Variants in FAM227A observed in about 807,000 individuals in gnomAD.
FAM227A encodes the protein protein FAM227A.
In FAM227A, 80 loss-of-function variants were observed where a neutral mutation model predicts 74.7. The observed-to-expected ratio is 1.07, with a 90% CI of 0.89 to 1.29. The LOEUF (loss-of-function observed/expected upper bound fraction) is 1.29, where lower values mean the gene tolerates loss of function less well. Among genes scored for constraint, FAM227A ranks in the 50% most tolerant of loss-of-function variants. The pLI, the probability that FAM227A is intolerant of heterozygous loss-of-function variation, is 0.00. For synonymous variants in FAM227A, 237 were observed against 241.8 expected (o/e 0.98, Z 0.19); for missense variants, 654 against 683.4 (o/e 0.96, Z 0.48).
chr22:38,603,828 C>T (rs1037162217), intron 13 of FAM227A, among the ~76,000 whole-genome samples: 1 of 151,974 alleles, frequency 6.6e-6, no homozygotes, highest in Non-Finnish European at 1.5e-5. Flanking sequence ...AGAGTGACCC[C>T]TGGTGATACT....
intron 4 of FAM227A, among the ~76,000 whole-genome samples, chr22:38,639,184 C>T (rs1009509999): frequency 4.0e-5 from 6 of 151,834 alleles, no homozygotes; most frequent in African/African-American, 7.3e-5. Context: ...CTGAGGCAGG[C>T]GGATCACTTG....
chr22:38,594,532 A>T (rs1178428096), intron 15 of FAM227A, among the ~76,000 whole-genome samples: 1 of 152,176 alleles, frequency 6.6e-6, no homozygotes, highest in African/African-American at 2.4e-5. Context: ...CAGAGTATGG[A>T]GGTATGATAG....
intron 16 of FAM227A, 52 bp downstream of exon 16, chr22:38,591,383 C>G: frequency 6.5e-7 from 1 of 1,534,880 alleles, no homozygotes; most frequent in East Asian, 2.5e-5. Context: ...CTACCTTTCC[C>G]ATGGTTTTTG....
chr22:38,586,747 C>T (rs2090817880), intron 16 of FAM227A, among the ~76,000 whole-genome samples: 1 of 152,138 alleles, frequency 6.6e-6, no homozygotes, highest in African/African-American at 2.4e-5. Context: ...CAGCTCACTG[C>T]AACCTCTGAC....
intron 8 of FAM227A, among the ~76,000 whole-genome samples, chr22:38,627,170 GTATA>G (rs944803339): frequency 1.3e-5 from 2 of 151,326 alleles, no homozygotes; most frequent in Non-Finnish European, 2.9e-5. Context: ...AATCCTTTTA[GTATA>G]TATATACATA....
rs1603009165 is a variant in FAM227A at position 38,628,061 on chromosome 22, G to A, written c.726+177C>T. Among the ~76,000 whole-genome samples the A allele has an allele frequency of 2.6e-5, 4 of 151,846 alleles. No homozygotes were observed. In the South Asian group the frequency reaches 8.3e-4, roughly 32 times the overall value. On this transcript the variant is annotated intron_variant, in intron 8 of 16. Transcript: ENST00000535113. Reference sequence around the variant, plus strand: ...ACTTAAATATATCATTGCATCTCCCGATCAGTATAAATAGCTCTACTGTAT... The same window carrying A: ...ACTTAAATATATCATTGCATCTCCCAATCAGTATAAATAGCTCTACTGTAT...
intron 11 of FAM227A, among the ~76,000 whole-genome samples, chr22:38,608,784 C>T (rs980848114): frequency 1.4e-5 from 2 of 145,924 alleles, no homozygotes; most frequent in Non-Finnish European, 3.0e-5. Context: ...TAAAATAAGA[C>T]CCTTGTTCCT....
chr22:38,599,059 C>T (rs1602881146), intron 14 of FAM227A, among the ~76,000 whole-genome samples: 1 of 151,402 alleles, frequency 6.6e-6, no homozygotes. Context: ...TGGGTTCAAG[C>T]GATTCTCCTG....
chr22:38,587,280 G>C (rs1173443823), intron 16 of FAM227A, among the ~76,000 whole-genome samples: 2 of 152,070 alleles, frequency 1.3e-5, no homozygotes, highest in African/African-American at 4.8e-5. Context: ...TAGAGCAGAG[G>C]ACGTGAAATA....
chr22:38,610,574 C>A (rs971965680), intron 11 of FAM227A, among the ~76,000 whole-genome samples: 2 of 152,120 alleles, frequency 1.3e-5, no homozygotes, highest in African/African-American at 4.8e-5. Context: ...GTAATAATGA[C>A]CCACCTTGCA....
rs1164479179 is a variant in FAM227A, at chr22:38,585,500, G to T, written c.*625C>A. ...GTGGTTAGAGGAGCAGGAGGCAAAG[G>T]TTCAGAGGCAGCATAATAGAAGCGC... On this transcript the variant is annotated 3_prime_UTR_variant, in exon 17 of 17. Transcript: ENST00000535113. The T allele has an allele frequency of 2.6e-5, 4 of 152,408 alleles. No homozygotes were observed. The highest frequency in any genetic ancestry group is 1.3e-4 in the Admixed American group (2 of 15,302). 9.4% of individuals were successfully genotyped at this position (152,408 alleles called of 1,614,324 possible).
At position 38,623,444 on chromosome 22, in the gene FAM227A, T is replaced by C. The variant is rs115460946; in HGVS notation, c.851-165A>G. Among the ~76,000 whole-genome samples, 1,471 of 150,866 alleles carry C rather than the reference T, an allele frequency of 9.8e-3. 31 individuals carry two copies. The highest frequency in any genetic ancestry group is 0.035 in the African/African-American group (1,424 of 41,022). ...ATTTAAAAAGAAATTAAAAAAAGAG[T>C]GAAAATGGACGCTTCTGCAAAAGAG... On this transcript the variant is annotated intron_variant, in intron 9 of 16. Transcript: ENST00000535113.
chr22:38,652,816 G>A (rs1569247373), intron 1 of FAM227A, among the ~76,000 whole-genome samples: 1 of 146,756 alleles, frequency 6.8e-6, no homozygotes, highest in Non-Finnish European at 1.5e-5. Context: ...GGCGGGGCTT[G>A]CAGTGAGCCG....
intron 16 of FAM227A, among the ~76,000 whole-genome samples, chr22:38,586,738 A>G (rs5757159): frequency 0.45 from 67,781 of 151,812 alleles, 16,020 homozygotes; most frequent in African/African-American, 0.61. Flanking sequence ...GCGCGATCTC[A>G]GCTCACTGCA....
chr22:38,653,656 T>G (rs1482765302), intron 1 of FAM227A, among the ~76,000 whole-genome samples: 1 of 152,166 alleles, frequency 6.6e-6, no homozygotes, highest in Non-Finnish European at 1.5e-5. Context: ...ATTACAGGCA[T>G]GAGCCACCGC....
chr22:38,598,114 T>A (rs1366696134), intron 14 of FAM227A, among the ~76,000 whole-genome samples: 1 of 151,248 alleles, frequency 6.6e-6, no homozygotes, highest in African/African-American at 2.4e-5. Flanking sequence ...TTGGTTAGAA[T>A]CTCAGCTACA....
At chr22:38,650,707 C>A (rs983643687) in intron 1 of FAM227A, among the ~76,000 whole-genome samples, 2 of 152,116 alleles carry the variant, frequency 1.3e-5, no homozygotes, top group Admixed American at 1.3e-4. Flanking sequence ...GGGTCCATCT[C>A]CTCAGCGCGA....
rs969551506 is a variant in FAM227A at position 38,626,198 on chromosome 22, T to C, written c.832A>G (p.Met278Val). ...CTCTCACCTGAAATCCACAGGCTCATTGTGTTACAGATGTCAGACTTGAAT... is the reference window on the plus strand; with the variant it reads ...CTCTCACCTGAAATCCACAGGCTCACTGTGTTACAGATGTCAGACTTGAAT... ...HEFKSDICNTMSLWISGTYPS... is the reference protein window; with the variant it reads ...HEFKSDICNTVSLWISGTYPS... The change falls in exon 9 of 17, where the codon ATG (methionine) becomes GTG (valine). Residue 278 changes from methionine (M) to valine (V), a missense_variant. Transcript: ENST00000535113. 129 of 1,551,428 alleles carry C rather than the reference T, an allele frequency of 8.3e-5. No individual in the cohort carries two copies. Among genetic ancestry groups the C allele is most frequent in the Non-Finnish European group, 1.0e-4 (115 of 1,146,912 alleles).
intron 11 of FAM227A, among the ~76,000 whole-genome samples, chr22:38,617,131 T>C (rs1045389961): frequency 1.3e-5 from 2 of 152,026 alleles, no homozygotes; most frequent in African/African-American, 4.8e-5. Context: ...CAGGCAGCAC[T>C]GAGTGCCCTT....
Sources: gnomAD v4.1 joint callset for allele counts (sites outside exome capture counted in the v4.1 genomes callset) on GRCh38, gnomAD v4.1.1 for gene constraint, MANE v1.5 for transcripts, NCBI Gene and HGNC (gene_info 2026-07-23, HGNC 2026-07-21) for gene names.